Variants in PGGT1B observed in about 807,000 individuals in gnomAD.
PGGT1B encodes the protein protein geranylgeranyltransferase type I subunit beta.
PGGT1B carries 30 observed loss-of-function variants against 46.1 expected under a neutral mutation model. That is an observed-to-expected ratio of 0.65 (90% confidence interval 0.49 to 0.88). The LOEUF (loss-of-function observed/expected upper bound fraction) is 0.88, where lower values mean the gene tolerates loss of function less well. Ranked by LOEUF, PGGT1B falls within the 40% of genes least tolerant of loss-of-function variation. The pLI is 0.00. For synonymous variants in PGGT1B, 170 were observed against 160.0 expected, an observed-to-expected ratio of 1.06 and a Z score of -0.47; for missense variants, 376 against 455.9, an observed-to-expected ratio of 0.82 and a Z score of 1.60.
At chr5:115,236,602 G>A (rs982807279) in intron 4 of PGGT1B, 80 bp from the exon 5 acceptor site, 1 of 824,490 alleles carries the variant, frequency 1.2e-6, no homozygotes, top group Non-Finnish European at 1.8e-6. Context: ...AACACCTCCT[G>A]CTTGTCTTTA....
intron 5 of PGGT1B, among the ~76,000 whole-genome samples, chr5:115,232,747 C>T (rs935856085): frequency 4.0e-5 from 6 of 151,792 alleles, no homozygotes; most frequent in African/African-American, 1.2e-4. Context: ...ATGAGGATAG[C>T]CTGTTCAGAA....
intron 2 of PGGT1B, among the ~76,000 whole-genome samples, chr5:115,251,077 A>G (rs1273060349): frequency 1.3e-5 from 2 of 152,162 alleles, no homozygotes; most frequent in Non-Finnish European, 2.9e-5. Context: ...TAAACATGCT[A>G]GAACATATCT....
rs148819808 is a variant in PGGT1B at position 115,236,408 on chromosome 5, G to C, written c.594C>G (p.Thr198=). The C allele has an allele frequency of 2.0e-4, 312 of 1,593,126 alleles. No individual in the cohort carries two copies. The highest frequency in any genetic ancestry group is 2.5e-4 in the Non-Finnish European group (292 of 1,172,594). The change falls in exon 5 of 9, where the codon ACC becomes ACG. Residue 198 remains threonine, a synonymous_variant. Coordinates refer to ENST00000419445, the MANE Select transcript of PGGT1B (RefSeq NM_005023.4). ...AACTCACCATACTCCTTCTAATATA[G>C]GTGATGGCTTTTTTCATATCCATGC... ...WSGMDMKKAI[T]YIRRSMSYDN...
intron 1 of PGGT1B, 42 bp downstream of exon 1, chr5:115,262,670 C>T (rs1251381879): frequency 6.4e-7 from 1 of 1,568,946 alleles, no homozygotes; most frequent in Non-Finnish European, 8.7e-7. Flanking sequence ...TCCGCTGGAG[C>T]CCGGGCCTTG....
At chr5:115,222,669 T>A (rs955215535) in intron 6 of PGGT1B, among the ~76,000 whole-genome samples, 2 of 152,206 alleles carry the variant, frequency 1.3e-5, no homozygotes, top group East Asian at 1.9e-4. Context: ...TAAAGACACA[T>A]GTACACATAT....
At chr5:115,262,637 G>A in intron 1 of PGGT1B, 75 bp downstream of exon 1, 1 of 1,503,704 alleles carries the variant, frequency 6.7e-7, no homozygotes, top group Non-Finnish European at 9.0e-7. Flanking sequence ...CGCCCAGTTT[G>A]CGGTCCGACT....
intron 5 of PGGT1B, among the ~76,000 whole-genome samples, chr5:115,234,027 A>G (rs749800966): frequency 6.6e-6 from 1 of 151,972 alleles, no homozygotes; most frequent in Non-Finnish European, 1.5e-5. Context: ...TGCAAAATAT[A>G]TGCTCTAAAT....
rs1480792794 is a variant in PGGT1B at position 115,210,965 on chromosome 5, T to G, written c.*1437A>C. ...ATCAATCATTTCTCCAAGTACACAG[T>G]GTTTCCCTTGGGAAGGACTGTTATT... is the stretch of plus-strand genomic sequence containing the variant. On this transcript the variant is annotated 3_prime_UTR_variant, in exon 9 of 9. Coordinates refer to ENST00000419445, the MANE Select transcript of PGGT1B (RefSeq NM_005023.4). 2 of 152,112 alleles carry G rather than the reference T, an allele frequency of 1.3e-5. No individual in the cohort carries two copies. Among genetic ancestry groups the G allele is most frequent in the Non-Finnish European group, 2.9e-5 (2 of 67,950 alleles). 9.4% of individuals were successfully genotyped at this position (152,112 alleles called of 1,614,324 possible). A position where few individuals can be genotyped will look rare whatever the true frequency, so the allele number is the denominator to read the frequency against.
chr5:115,234,325 G>A (rs962400742), intron 5 of PGGT1B, among the ~76,000 whole-genome samples: 3 of 151,780 alleles, frequency 2.0e-5, no homozygotes, highest in Admixed American at 6.6e-5. Flanking sequence ...GAAAACTAAC[G>A]AGAATAGTTA....
In PGGT1B at chr5:115,249,377, T is replaced by C. The variant is rs540023426; in HGVS notation, c.259+3760A>G. 2.6e-5 allele frequency among the ~76,000 whole-genome samples: 4 copies of C among 152,290 alleles called. No homozygotes were observed. The East Asian group carries it at 5.8e-4, about 22-fold the overall frequency. ...GGATGTGCCCTTACAGATGGAGCAA[T>C]GGTGAGCACACACTTGGACAAGGGA... is the stretch of plus-strand genomic sequence containing the variant. On this transcript the variant is annotated intron_variant, in intron 2 of 8. Transcript: ENST00000419445.
rs140693601 is a variant in PGGT1B at position 115,221,918 on chromosome 5, C to G, written c.749G>C (p.Arg250Thr). Reference sequence around the variant, plus strand: ...ATTTTGTTGCCTCATTATACACCACCTCTTTATCCTGTTCAATTCTTTTTC... The same window carrying G: ...ATTTTGTTGCCTCATTATACACCACGTCTTTATCCTGTTCAATTCTTTTTC... ...FSEKELNRIK[R>T]WCIMRQQNGY... is the part of the protein sequence containing the mutation. The change falls in exon 7 of 9, where the codon AGG (arginine) becomes ACG (threonine). Residue 250 changes from arginine (R) to threonine (T), a missense_variant. Physicochemically the swap from Arg to Thr is moderately conservative, Grantham distance 71. Around this residue, in one of 2 missense-constraint regions of PGGT1B, gnomAD observed 222 missense variants for 313.6 expected, o/e 0.71. Coordinates refer to ENST00000419445, the MANE Select transcript of PGGT1B (RefSeq NM_005023.4). 1 of 1,608,362 alleles carries G rather than the reference C, an allele frequency of 6.2e-7. No individual in the cohort carries two copies. The highest frequency in any genetic ancestry group is 8.5e-7 in the Non-Finnish European group (1 of 1,176,456).
At chr5:115,255,102 T>A (rs937814128) in intron 1 of PGGT1B, among the ~76,000 whole-genome samples, 2 of 152,168 alleles carry the variant, frequency 1.3e-5, no homozygotes, top group African/African-American at 4.8e-5. Context: ...CCTTATACAG[T>A]AATTGTGCTT....
At chr5:115,212,798 TA>T (rs1002768045) in intron 8 of PGGT1B, among the ~76,000 whole-genome samples, 3 of 151,462 alleles carry the variant, frequency 2.0e-5, no homozygotes, top group Non-Finnish European at 4.4e-5. Flanking sequence ...TTCATGAAAA[TA>T]TCATTAACAA....
chr5:115,208,815 T>C lies in PGGT1B; in HGVS notation c.*3587A>G, dbSNP rs905048523. Reference sequence around the variant, plus strand: ...TTTCCCCTTTTCCTACTTTTATTGATAACTGTACTAATTAATATAAATTTC... The same window carrying C: ...TTTCCCCTTTTCCTACTTTTATTGACAACTGTACTAATTAATATAAATTTC... On this transcript the variant is annotated 3_prime_UTR_variant, in exon 9 of 9. Coordinates refer to ENST00000419445, the MANE Select transcript of PGGT1B (RefSeq NM_005023.4). 1.1e-4 allele frequency: 16 copies of C among 152,094 alleles called. No individual in the cohort carries two copies. Among genetic ancestry groups the C allele is most frequent in the African/African-American group, 3.6e-4 (15 of 41,444 alleles). The allele number at this position is 152,094 out of a possible 1,614,324, so 9.4% of individuals were successfully genotyped here.
intron 2 of PGGT1B, among the ~76,000 whole-genome samples, chr5:115,249,768 T>A (rs1020138109): frequency 6.6e-6 from 1 of 152,196 alleles, no homozygotes; most frequent in Non-Finnish European, 1.5e-5. Context: ...AAAACTCATA[T>A]CTAATATATA....
At chr5:115,231,059 T>A in intron 5 of PGGT1B, 38 bp from the exon 6 acceptor site, 1 of 952,146 alleles carries the variant, frequency 1.1e-6, no homozygotes, top group South Asian at 1.8e-5. Flanking sequence ...AATAGGGAAA[T>A]AATAATAATA....
At chr5:115,257,725 T>C (rs1214353071) in intron 1 of PGGT1B, among the ~76,000 whole-genome samples, 2 of 152,176 alleles carry the variant, frequency 1.3e-5, no homozygotes, top group African/African-American at 2.4e-5. Context: ...CTTAAACAAG[T>C]GTCTTAAACA....
chr5:115,224,539 A>G (rs1437455220), intron 6 of PGGT1B, among the ~76,000 whole-genome samples: 2 of 152,280 alleles, frequency 1.3e-5, no homozygotes, highest in East Asian at 3.9e-4. Context: ...TTTTACACAA[A>G]TCTCTAAAAA....
At chr5:115,230,341 C>T (rs905471796) in intron 6 of PGGT1B, among the ~76,000 whole-genome samples, 1 of 152,040 alleles carries the variant, frequency 6.6e-6, no homozygotes, top group African/African-American at 2.4e-5. Flanking sequence ...GTCTCCATGA[C>T]CTGGCCTTTT....
Sources: allele counts gnomAD v4.1 joint callset (sites outside exome capture counted in the v4.1 genomes callset), GRCh38; gene constraint gnomAD v4.1.1; regional missense constraint gnomAD v4.1.1; transcripts MANE v1.5; gene names NCBI Gene and HGNC (gene_info 2026-07-23, HGNC 2026-07-21).